Variants in ARHGAP26 observed in about 807,000 individuals in gnomAD.
The protein encoded by ARHGAP26 is Rho GTPase activating protein 26, also known as rho GTPase-activating protein 26.
In ARHGAP26, 38 loss-of-function variants were observed where a neutral mutation model predicts 104.8. That is an observed-to-expected ratio of 0.36 (90% CI 0.28 to 0.48). The LOEUF is 0.48. Among genes scored for constraint, ARHGAP26 ranks in the 20% least tolerant of loss-of-function variants. The pLI, the probability that ARHGAP26 is intolerant of heterozygous loss-of-function variation, is 0.99. For missense variants in ARHGAP26, 704 were observed against 947.9 expected, an observed-to-expected ratio of 0.74 and a Z score of 3.38; for synonymous variants, 341 against 340.0, an observed-to-expected ratio of 1.00 and a Z score of -0.03.
intron 11 of ARHGAP26, among the ~76,000 whole-genome samples, chr5:142,975,058 A>C (rs1772863835): frequency 6.6e-6 from 1 of 152,136 alleles, no homozygotes; most frequent in Admixed American, 6.5e-5. Flanking sequence ...ATCGTTTCAA[A>C]TCTCCATTGG....
At chr5:143,012,124 C>G (rs1011553475) in intron 11 of ARHGAP26, among the ~76,000 whole-genome samples, 9 of 152,112 alleles carry the variant, frequency 5.9e-5, no homozygotes, top group Admixed American at 4.6e-4. Flanking sequence ...GCATTGATGC[C>G]TTTTCATTCA....
intron 18 of ARHGAP26, among the ~76,000 whole-genome samples, chr5:143,130,799 A>G (rs1797247985): frequency 1.3e-5 from 2 of 152,236 alleles, no homozygotes; most frequent in Non-Finnish European, 2.9e-5. Flanking sequence ...CACTTGGGGA[A>G]TGATTTTCCA....
chr5:142,932,241 AC>A, intron 11 of ARHGAP26, 116 bp downstream of exon 11: 1 of 899,768 alleles, frequency 1.1e-6, no homozygotes, highest in Non-Finnish European at 1.8e-6. Context: ...AAACCAGTGT[AC>A]CAGAGGTGGT....
intron 1 of ARHGAP26, among the ~76,000 whole-genome samples, chr5:142,777,337 C>T (rs1756529989): frequency 6.6e-6 from 1 of 152,168 alleles, no homozygotes; most frequent in African/African-American, 2.4e-5. Context: ...GCTGGACTTC[C>T]TAATTCTGGC....
chr5:143,152,052 C>CA (rs1437236392), intron 20 of ARHGAP26, among the ~76,000 whole-genome samples: 1 of 152,110 alleles, frequency 6.6e-6, no homozygotes, highest in Non-Finnish European at 1.5e-5. Context: ...ATAAGAAGAT[C>CA]AGTGATTGCC....
chr5:143,084,828 C>T (rs1562392150), intron 17 of ARHGAP26, among the ~76,000 whole-genome samples: 1 of 152,068 alleles, frequency 6.6e-6, no homozygotes, highest in Non-Finnish European at 1.5e-5. Flanking sequence ...GGAAAGATCA[C>T]GTGGTCAGGA....
chr5:143,188,265 A>C (rs1438657219), intron 20 of ARHGAP26, among the ~76,000 whole-genome samples: 3 of 152,210 alleles, frequency 2.0e-5, no homozygotes, highest in Non-Finnish European at 2.9e-5. Flanking sequence ...CCTAGAACAC[A>C]ATAGGAACCA....
chr5:143,155,827 A>G (rs1390934525), intron 20 of ARHGAP26, among the ~76,000 whole-genome samples: 1 of 152,244 alleles, frequency 6.6e-6, no homozygotes, highest in Non-Finnish European at 1.5e-5. Context: ...ATCTTGCTAA[A>G]TAACCTAAAA....
At chr5:142,964,412 A>G (rs2152678944) in intron 11 of ARHGAP26, among the ~76,000 whole-genome samples, 1 of 152,298 alleles carries the variant, frequency 6.6e-6, no homozygotes, top group East Asian at 1.9e-4. Flanking sequence ...TACTACCTAT[A>G]TCAGTATCAC....
intron 1 of ARHGAP26, among the ~76,000 whole-genome samples, chr5:142,774,985 A>G (rs1332063565): frequency 6.6e-6 from 1 of 152,104 alleles, no homozygotes; most frequent in Non-Finnish European, 1.5e-5. Context: ...TCATCTATTG[A>G]AGGACATTTT....
At chr5:143,013,007 A>G (rs1779107012) in intron 11 of ARHGAP26, among the ~76,000 whole-genome samples, 1 of 152,078 alleles carries the variant, frequency 6.6e-6, no homozygotes, top group African/African-American at 2.4e-5. Flanking sequence ...ATGACAGCAT[A>G]TCAGAGATGG....
chr5:143,208,571 A>G (rs1187029179), intron 21 of ARHGAP26, among the ~76,000 whole-genome samples: 1 of 152,198 alleles, frequency 6.6e-6, no homozygotes, highest in Non-Finnish European at 1.5e-5. Flanking sequence ...CCTGAACCCT[A>G]CTGTGGAAAA....
intron 1 of ARHGAP26, among the ~76,000 whole-genome samples, chr5:142,788,258 C>T (rs1759063837): frequency 1.3e-5 from 2 of 152,118 alleles, no homozygotes; most frequent in South Asian, 4.1e-4. Context: ...ACCTTGGCCT[C>T]CCAAAGTGCT....
At chr5:143,145,994 T>C (rs553969945) in intron 19 of ARHGAP26, among the ~76,000 whole-genome samples, 1 of 152,332 alleles carries the variant, frequency 6.6e-6, no homozygotes, top group Admixed American at 6.5e-5. Flanking sequence ...AGTTCAAATA[T>C]TGGCCTTTAA....
At chr5:143,136,233 A>G (rs2150913225) in intron 19 of ARHGAP26, among the ~76,000 whole-genome samples, 1 of 152,342 alleles carries the variant, frequency 6.6e-6, no homozygotes, top group Non-Finnish European at 1.5e-5. Context: ...TCTTTGTCCA[A>G]GATTAATTTT....
intron 17 of ARHGAP26, among the ~76,000 whole-genome samples, chr5:143,062,249 G>A (rs1035090394): frequency 6.6e-6 from 1 of 152,180 alleles, no homozygotes; most frequent in Non-Finnish European, 1.5e-5. Context: ...GCTGGTGGGA[G>A]GTAAGAGAGG....
chr5:143,182,499 A>G (rs1480966513), intron 20 of ARHGAP26, among the ~76,000 whole-genome samples: 4 of 152,218 alleles, frequency 2.6e-5, no homozygotes, highest in African/African-American at 9.6e-5. Context: ...CCTGGCTCTG[A>G]TGCTTCCTAA....
In ARHGAP26 at chr5:142,986,199, C is replaced by T. The variant is rs553597137; in HGVS notation, c.1108-27881C>T. On this transcript the variant is annotated intron_variant, in intron 11 of 22. Transcript: ENST00000645722. The stretch of plus-strand genomic sequence containing the variant: ...TCCTGACTTTTTAATGATCGCCATT[C>T]TAACTGGTGTGAGATGGTATCTCAT... 3.7e-4 allele frequency among the ~76,000 whole-genome samples: 56 copies of T among 152,280 alleles called. 1 individual carries two copies. Among genetic ancestry groups the T allele is most frequent in the African/African-American group, 1.2e-3 (50 of 41,554 alleles).
intron 11 of ARHGAP26, among the ~76,000 whole-genome samples, chr5:142,954,533 C>T (rs952738054): frequency 6.6e-6 from 1 of 152,232 alleles, no homozygotes; most frequent in African/African-American, 2.4e-5. Context: ...CTTAAGAACA[C>T]TCAGGTTCCT....
Sources: allele counts gnomAD v4.1 joint callset (sites outside exome capture counted in the v4.1 genomes callset), GRCh38; gene constraint gnomAD v4.1.1; transcripts MANE v1.5; gene names NCBI Gene and HGNC (gene_info 2026-07-23, HGNC 2026-07-21).